CPS1: variants seen among roughly 807,000 people sequenced by gnomAD.
CPS1 encodes carbamoyl-phosphate synthase 1.
CPS1 carries 109 observed loss-of-function variants against 174.6 expected under a neutral mutation model. That is an observed-to-expected ratio of 0.62 (90% CI 0.53 to 0.73). The LOEUF (loss-of-function observed/expected upper bound fraction) is 0.73. Ranked by LOEUF, CPS1 falls within the 30% of genes least tolerant of loss-of-function variation. The pLI is 0.00. For synonymous variants in CPS1, 637 were observed against 632.0 expected, an observed-to-expected ratio of 1.01 and a Z score of -0.12; for missense variants, 1,689 against 1,821.9, an observed-to-expected ratio of 0.93 and a Z score of 1.33.
At chr2:210,617,511 C>G (rs1337500533) in intron 21 of CPS1, 6 of 151,990 alleles carry the variant, frequency 3.9e-5, no homozygotes, top group Non-Finnish European at 1.5e-5. Context: ...AACTATTTAG[C>G]AATTGCAACA....
chr2:210,573,857 GT>G (rs1288964454), intron 2 of CPS1, among the ~76,000 whole-genome samples: 1 of 151,966 alleles, frequency 6.6e-6, no homozygotes, highest in Non-Finnish European at 1.5e-5. Flanking sequence ...AAGTCCTTGG[GT>G]ATTTTATATA....
At chr2:210,583,986 A>C (rs1698015002) in intron 6 of CPS1, among the ~76,000 whole-genome samples, 1 of 152,086 alleles carries the variant, frequency 6.6e-6, no homozygotes, top group South Asian at 2.1e-4. Flanking sequence ...GTAAAAGATC[A>C]CCTTACTTTC....
chr2:210,493,148 T>C (rs766454252), intron 1 of CPS1, among the ~76,000 whole-genome samples: 11 of 152,210 alleles, frequency 7.2e-5, no homozygotes, highest in Non-Finnish European at 1.5e-4. Context: ...AATTCAAGTT[T>C]ATGGATCCTT....
At chr2:210,509,338 T>G (rs1695385478) in intron 1 of CPS1, among the ~76,000 whole-genome samples, 1 of 152,212 alleles carries the variant, frequency 6.6e-6, no homozygotes, top group Non-Finnish European at 1.5e-5. Context: ...CAGCACTTCA[T>G]GCTAAAAACT....
rs373270815 is a variant in CPS1 at position 210,500,828 on chromosome 2, G to T, written c.3+23062G>T. On this transcript the variant is annotated intron_variant, in intron 1 of 38. Coordinates refer to the CPS1 transcript ENST00000430249. ...TCTTCTCACAGCTCCACTAGGCAGT[G>T]CCCCAGTGGGGACTTTGTGTGGGGG... is the stretch of plus-strand genomic sequence containing the variant. Among the ~76,000 whole-genome samples, 26 of 152,310 alleles carry T rather than the reference G, an allele frequency of 1.7e-4. No homozygotes were observed. In the South Asian group the frequency reaches 3.1e-3, roughly 18 times the overall value.
At chr2:210,652,579 A>G (rs1199205123) in intron 28 of CPS1, among the ~76,000 whole-genome samples, 1 of 152,204 alleles carries the variant, frequency 6.6e-6, no homozygotes, top group Non-Finnish European at 1.5e-5. Context: ...AACTGGGTAG[A>G]CAGTGATGCC....
At chr2:210,593,370 A>C in intron 11 of CPS1, 1 of 1,088,614 alleles carries the variant, frequency 9.2e-7, no homozygotes, top group South Asian at 2.7e-5. Context: ...CTAAGGGAGA[A>C]TAAACAGCAG....
intron 18 of CPS1, among the ~76,000 whole-genome samples, chr2:210,607,583 G>A (rs1239157488): frequency 6.6e-6 from 1 of 151,570 alleles, no homozygotes; most frequent in East Asian, 2.0e-4. Context: ...TTTTTTTTAC[G>A]TAGTTCCACA....
At chr2:210,653,098 A>C (rs967146963) in intron 28 of CPS1, among the ~76,000 whole-genome samples, 5 of 152,208 alleles carry the variant, frequency 3.3e-5, no homozygotes, top group Non-Finnish European at 4.4e-5. Context: ...AGGAGATAGC[A>C]TATGACCTAG....
chr2:210,484,464 A>G (rs912690420), intron 1 of CPS1, among the ~76,000 whole-genome samples: 2 of 152,210 alleles, frequency 1.3e-5, no homozygotes, highest in African/African-American at 2.4e-5. Context: ...TGTCCCATAG[A>G]ACTGATGTTT....
At position 210,590,875 on chromosome 2, in the gene CPS1, G is replaced by A; in HGVS notation, c.916G>A (p.Ala306Thr). 2 of 1,611,078 alleles carry A rather than the reference G, an allele frequency of 1.2e-6. No individual in the cohort carries two copies. Among genetic ancestry groups the A allele is most frequent in the Middle Eastern group, 1.7e-4 (1 of 6,044 alleles). Residue 306 changes from alanine (A) to threonine (T), a missense_variant, in exon 9 of 38, where the codon GCC becomes ACC. Ala to Thr is a moderately conservative substitution (Grantham distance 58). Coordinates refer to ENST00000233072, the MANE Select transcript of CPS1 (RefSeq NM_001875.5). ...GNLITGLAAG[A>T]KTYKMSMANR... ...CTTAATAACAGGATTGGCTGCTGGT[G>A]CCAAAACCTACAAGATGTCCATGGC...
chr2:210,677,425 A>C (rs143698254), intron 37 of CPS1, among the ~76,000 whole-genome samples: 212 of 152,372 alleles, frequency 1.4e-3, no homozygotes, highest in African/African-American at 5.0e-3. Context: ...ATAAAGATAC[A>C]AACTTTTATT....
chr2:210,478,166 T>C (rs1250627076), intron 1 of CPS1, among the ~76,000 whole-genome samples: 1 of 152,244 alleles, frequency 6.6e-6, no homozygotes, highest in African/African-American at 2.4e-5. Flanking sequence ...GTTGTTAGAT[T>C]GCTTTCCAAA....
At chr2:210,589,630 A>T (rs1440285336) in intron 7 of CPS1, among the ~76,000 whole-genome samples, 1 of 151,942 alleles carries the variant, frequency 6.6e-6, no homozygotes, top group Non-Finnish European at 1.5e-5. Context: ...CCATTTTTTC[A>T]GGATCAAAAC....
chr2:210,607,780 T>C (rs1042027633), intron 18 of CPS1, among the ~76,000 whole-genome samples: 2 of 151,888 alleles, frequency 1.3e-5, no homozygotes, highest in African/African-American at 4.8e-5. Context: ...TATGAATTAT[T>C]TTCTCAAACA....
chr2:210,512,298 C>G (rs1020102991), intron 1 of CPS1, among the ~76,000 whole-genome samples: 1 of 151,754 alleles, frequency 6.6e-6, no homozygotes, highest in Non-Finnish European at 1.5e-5. Context: ...ACAAATGATA[C>G]CATCACCCAG....
intron 1 of CPS1, among the ~76,000 whole-genome samples, chr2:210,565,739 C>T (rs992188315): frequency 2.0e-5 from 3 of 152,126 alleles, no homozygotes; most frequent in South Asian, 2.1e-4. Context: ...TAAACTTGTG[C>T]TTGGTTGTTC....
chr2:210,570,289 A>G (rs1023479098), intron 1 of CPS1, among the ~76,000 whole-genome samples: 1 of 151,946 alleles, frequency 6.6e-6, no homozygotes, highest in Non-Finnish European at 1.5e-5. Flanking sequence ...ATTGAACACA[A>G]TCTCAGGGAC....
At chr2:210,644,403 C>T (rs959157155) in intron 25 of CPS1, among the ~76,000 whole-genome samples, 3 of 151,900 alleles carry the variant, frequency 2.0e-5, no homozygotes, top group African/African-American at 4.8e-5. Flanking sequence ...ATGCATGACT[C>T]GAGACAGAAT....
Sources: allele counts gnomAD v4.1 joint callset (sites outside exome capture counted in the v4.1 genomes callset), GRCh38; gene constraint gnomAD v4.1.1; transcripts MANE v1.5; gene names NCBI Gene and HGNC (gene_info 2026-07-23, HGNC 2026-07-21).